The following SPAST variants were observed in gnomAD, a reference collection of about 807,000 sequenced individuals.
SPAST encodes the protein spastin, also known as spastic paraplegia 4 (autosomal dominant; spastin).
Under a neutral mutation model 76.6 loss-of-function variants are expected in SPAST, and 30 were observed. The ratio of observed to expected loss-of-function variants is 0.39; its 90% CI spans 0.29 to 0.53. The LOEUF is 0.53. SPAST is among the 20% of genes least tolerant of loss of function. SPAST has a pLI of 0.68. For synonymous variants in SPAST, 305 were observed against 281.0 expected, an observed-to-expected ratio of 1.09 and a Z score of -0.86; for missense variants, 717 against 770.5, an observed-to-expected ratio of 0.93 and a Z score of 0.82.
intron 2 of SPAST, among the ~76,000 whole-genome samples, chr2:32,089,253 T>A (rs1677616425): frequency 1.3e-5 from 2 of 150,494 alleles, no homozygotes; most frequent in South Asian, 4.3e-4. Context: ...TTGCCCAGGC[T>A]GGTCTTGAAC....
intron 4 of SPAST, among the ~76,000 whole-genome samples, chr2:32,099,212 G>A (rs1289536382): frequency 6.6e-6 from 1 of 151,912 alleles, no homozygotes; most frequent in African/African-American, 2.4e-5. Context: ...TATATGGATA[G>A]CTATACTGAT....
intron 1 of SPAST, among the ~76,000 whole-genome samples, chr2:32,070,717 C>T (rs1676715045): frequency 6.6e-6 from 1 of 152,116 alleles, no homozygotes; most frequent in South Asian, 2.1e-4. Context: ...GAAGCTTCAG[C>T]CTCGCAGGCT....
chr2:32,140,779 T>A (rs1553318890), intron 12 of SPAST, among the ~76,000 whole-genome samples: 1 of 151,806 alleles, frequency 6.6e-6, no homozygotes, highest in Non-Finnish European at 1.5e-5. Flanking sequence ...ATAAAAAAAA[T>A]TAAATTTTTA....
At chr2:32,096,672 C>G (rs1202284062) in intron 3 of SPAST, among the ~76,000 whole-genome samples, 2 of 152,058 alleles carry the variant, frequency 1.3e-5, no homozygotes, top group African/African-American at 4.8e-5. Flanking sequence ...TAATTTCTTT[C>G]TTTTTATTAC....
intron 16 of SPAST, among the ~76,000 whole-genome samples, chr2:32,152,761 T>C (rs991781041): frequency 6.6e-6 from 1 of 151,646 alleles, no homozygotes; most frequent in Non-Finnish European, 1.5e-5. Flanking sequence ...GGGGTTTTTT[T>C]TTTTGAGACA....
chr2:32,102,414 C>T (rs1678160011), intron 4 of SPAST, among the ~76,000 whole-genome samples: 1 of 152,160 alleles, frequency 6.6e-6, no homozygotes, highest in African/African-American at 2.4e-5. Context: ...ATGTCATCTC[C>T]AAACAGGGAC....
chr2:32,081,021 C>T (rs573674664), intron 1 of SPAST, among the ~76,000 whole-genome samples: 15 of 151,924 alleles, frequency 9.9e-5, no homozygotes, highest in South Asian at 6.3e-4. Context: ...TGCAATGGCA[C>T]GATCTTGGCT....
At chr2:32,125,270 C>T (rs1172070879) in intron 7 of SPAST, among the ~76,000 whole-genome samples, 2 of 151,734 alleles carry the variant, frequency 1.3e-5, no homozygotes, top group East Asian at 3.9e-4. Context: ...GTTGCCCAGG[C>T]TGGAATACAA....
rs781516235 is a variant in SPAST at position 32,063,920 on chromosome 2, C to G, written c.89C>G (p.Ala30Gly). Residue 30 changes from alanine (A) to glycine (G), a missense_variant, in exon 1 of 17, where the codon GCC (alanine) becomes GGC (glycine). Around this residue, in one of 3 missense-constraint regions of SPAST, gnomAD observed 543 missense variants for 445.2 expected, o/e 1.22. Transcript: ENST00000315285. ...CCCAGGCCTCCGCCCCCTTGCCTGG[C>G]CCCCGCCCCTCCCGCCGCCGGGCCG... ...VPPRPPPPCL[A>G]PAPPAAGPAP... 1.9e-6 allele frequency: 3 copies of G among 1,588,430 alleles called. No individual in the cohort carries two copies. The highest frequency in any genetic ancestry group is 2.6e-6 in the Non-Finnish European group (3 of 1,167,956).
At chr2:32,121,181 T>C (rs553015542) in intron 7 of SPAST, among the ~76,000 whole-genome samples, 1 of 152,218 alleles carries the variant, frequency 6.6e-6, no homozygotes, top group African/African-American at 2.4e-5. Flanking sequence ...GGAAGGAGTC[T>C]CACTCTTCTC....
intron 1 of SPAST, among the ~76,000 whole-genome samples, chr2:32,084,744 A>T (rs151086222): frequency 0.01 from 1,578 of 151,626 alleles, 24 homozygotes; most frequent in African/African-American, 0.036. Context: ...AAAATTAGGC[A>T]GGTGTGGTGG....
At chr2:32,125,817 C>T (rs921155150) in intron 7 of SPAST, among the ~76,000 whole-genome samples, 20 of 151,950 alleles carry the variant, frequency 1.3e-4, no homozygotes, top group African/African-American at 3.9e-4. Context: ...GTTTTTGAGA[C>T]GGAGTTTTGC....
intron 4 of SPAST, among the ~76,000 whole-genome samples, chr2:32,113,536 T>G (rs1180708072): frequency 6.6e-6 from 1 of 151,728 alleles, no homozygotes; most frequent in Admixed American, 6.6e-5. Context: ...TGTTTCTTAT[T>G]TGAGAGCTTT....
At chr2:32,102,790 T>C (rs1282735050) in intron 4 of SPAST, among the ~76,000 whole-genome samples, 2 of 152,210 alleles carry the variant, frequency 1.3e-5, no homozygotes, top group African/African-American at 4.8e-5. Flanking sequence ...TTGCATATGT[T>C]GAACCAGCCT....
chr2:32,105,138 G>T (rs1261812066), intron 4 of SPAST, among the ~76,000 whole-genome samples: 1 of 152,094 alleles, frequency 6.6e-6, no homozygotes, highest in Non-Finnish European at 1.5e-5. Context: ...TTTCTTGGAG[G>T]TTCTGTTCGT....
At position 32,126,469 on chromosome 2, in the gene SPAST, C is replaced by CTTTTTTTTTT. The variant is rs70938323; in HGVS notation, c.1099-459_1099-450dup. On this transcript the variant is annotated intron_variant, in intron 7 of 16. Coordinates refer to ENST00000315285, the MANE Select transcript of SPAST (RefSeq NM_014946.4). Reference sequence around the variant, plus strand: ...TACCACCGAGGAGTTGGTTTTATTTCTTTTTTTTTTTTTTTTTTTTTTTTT... The same window carrying CTTTTTTTTTT: ...TACCACCGAGGAGTTGGTTTTATTTCTTTTTTTTTTTTTTTTTTTTTTTTTTTTTTTTTTT... The CTTTTTTTTTT allele has an allele frequency of 1.0e-4, 4 of 38,704 alleles. 1 individual carries two copies. The highest frequency in any genetic ancestry group is 1.9e-4 in the Non-Finnish European group (4 of 21,006). The allele number at this position is 38,704 out of a possible 1,614,324, so 2.4% of individuals were successfully genotyped here.
rs572109743 is a variant in SPAST, at chr2:32,063,909, C to T, written c.78C>T (p.Pro26=). The T allele has an allele frequency of 1.5e-5, 23 of 1,585,216 alleles. No homozygotes were observed. In the African/African-American group the frequency reaches 2.5e-4, roughly 18 times the overall value. The change falls in exon 1 of 17, where the codon CCC becomes CCT. Residue 26 remains proline, a synonymous_variant. Coordinates refer to ENST00000315285, the MANE Select transcript of SPAST (RefSeq NM_014946.4). ...ACCCGGTGCCTCCCAGGCCTCCGCCCCCTTGCCTGGCCCCCGCCCCTCCCG... is the reference window on the plus strand; with the variant it reads ...ACCCGGTGCCTCCCAGGCCTCCGCCTCCTTGCCTGGCCCCCGCCCCTCCCG... ...ASNPVPPRPP[P]PCLAPAPPAA...
intron 4 of SPAST, among the ~76,000 whole-genome samples, chr2:32,108,048 G>C (rs748176601): frequency 2.0e-5 from 3 of 151,558 alleles, no homozygotes; most frequent in African/African-American, 7.3e-5. Flanking sequence ...CCTTACTCAA[G>C]AAAAAAAAGC....
chr2:32,114,613 A>C (rs762209579), intron 4 of SPAST, 25 bp from the exon 5 acceptor site: 1 of 1,599,852 alleles, frequency 6.3e-7, no homozygotes, highest in Non-Finnish European at 8.6e-7. Flanking sequence ...TTCTAATCAC[A>C]ATGGTTTTAC....
Sources: gnomAD v4.1 joint callset for allele counts (sites outside exome capture counted in the v4.1 genomes callset) on GRCh38, gnomAD v4.1.1 for gene constraint, gnomAD v4.1.1 regional missense constraint, MANE v1.5 for transcripts, NCBI Gene and HGNC (gene_info 2026-07-23, HGNC 2026-07-21) for gene names.